Variants in ACAP3 observed in about 807,000 individuals in gnomAD.
ACAP3 encodes arf-GAP with coiled-coil, ANK repeat and PH domain-containing protein 3.
ACAP3 carries 56 observed loss-of-function variants against 104.1 expected under a neutral mutation model. That is an observed-to-expected ratio of 0.54 (90% confidence interval 0.43 to 0.67). The LOEUF is 0.67. Among genes scored for constraint, ACAP3 ranks in the 30% least tolerant of loss-of-function variants. ACAP3 has a pLI of 0.00. For synonymous variants in ACAP3, 628 were observed against 496.2 expected (o/e 1.27, Z -3.53); for missense variants, 1,208 against 1,174.9 (o/e 1.03, Z -0.41).
intron 4 of ACAP3, 115 bp from the exon 5 acceptor site, chr1:1,302,161 T>A (rs1245363540): frequency 1.2e-5 from 11 of 946,988 alleles, no homozygotes; most frequent in Non-Finnish European, 1.6e-5. Flanking sequence ...CAGGGGCGGG[T>A]CCCACCCTGC....
chr1:1,294,070 G>C lies in ACAP3; in HGVS notation c.2249+20C>G. ...AGGCGTGGTCGGGGCACAGGGCGGGGCGTGGGTTGCGCGTCTCACCCGGTG... is the reference window on the plus strand; with the variant it reads ...AGGCGTGGTCGGGGCACAGGGCGGGCCGTGGGTTGCGCGTCTCACCCGGTG... On this transcript the variant is annotated intron_variant, in intron 22 of 23. Coordinates refer to ENST00000354700, the MANE Select transcript of ACAP3 (RefSeq NM_030649.3). The C allele has an allele frequency of 1.3e-6, 2 of 1,549,486 alleles. No individual in the cohort carries two copies. Among genetic ancestry groups the C allele is most frequent in the Non-Finnish European group, 8.7e-7 (1 of 1,145,912 alleles).
chr1:1,298,235 C>G, intron 12 of ACAP3, 122 bp from the exon 13 acceptor site: 1 of 1,578,366 alleles, frequency 6.3e-7, no homozygotes, highest in South Asian at 1.2e-5. Flanking sequence ...GTGTCCAGCT[C>G]TCTGCTCCCT....
chr1:1,300,617 C>A lies in ACAP3; in HGVS notation c.414G>T (p.Arg138Ser). ...VREDLELSLVRNAQAPRHRPH... is the reference protein window; with the variant it reads ...VREDLELSLVSNAQAPRHRPH... ...GCCGGTGCCTCGGGGCCTGGGCGTTCCTCACCAGGGACAGCTCCAGGTCCT... is the reference window on the plus strand; with the variant it reads ...GCCGGTGCCTCGGGGCCTGGGCGTTACTCACCAGGGACAGCTCCAGGTCCT... The change falls in exon 6 of 24, where the codon AGG (arginine) becomes AGT (serine). Residue 138 changes from arginine to serine, a missense_variant. Arg to Ser is a moderately radical substitution (Grantham distance 110). Transcript: ENST00000354700. 6.2e-7 allele frequency: 1 copy of A among 1,608,362 alleles called. No homozygotes were observed. Among genetic ancestry groups the A allele is most frequent in the Admixed American group, 1.7e-5 (1 of 58,398 alleles).
intron 14 of ACAP3, among the ~76,000 whole-genome samples, chr1:1,297,168 C>T (rs142090261): frequency 0.08 from 10,226 of 128,146 alleles, 1,887 homozygotes; most frequent in African/African-American, 0.36. Flanking sequence ...TGCACAGGCG[C>T]GGGGCAGGGG....
intron 15 of ACAP3, 69 bp from the exon 16 acceptor site, chr1:1,296,349 CGGCCT>C: frequency 7.8e-6 from 12 of 1,548,118 alleles, no homozygotes; most frequent in Middle Eastern, 1.7e-4. Context: ...CCCCCACCCC[CGGCCT>C]GGCCCTCAGG....
intron 1 of ACAP3, chr1:1,307,051 G>T: frequency 1.5e-6 from 1 of 662,960 alleles, no homozygotes; most frequent in Non-Finnish European, 2.4e-6. Flanking sequence ...GCAGAGGAGG[G>T]GGCCTCACGC....
chr1:1,293,455 T>G lies in ACAP3; in HGVS notation c.*109A>C. The G allele has an allele frequency of 7.9e-6, 9 of 1,132,630 alleles. No individual in the cohort carries two copies. Among genetic ancestry groups the G allele is most frequent in the Admixed American group, 4.6e-5 (1 of 21,546 alleles). 70.2% of individuals were successfully genotyped at this position (1,132,630 alleles called of 1,614,324 possible). A position where few individuals can be genotyped will look rare whatever the true frequency, so the allele number is the denominator to read the frequency against. On this transcript the variant is annotated 3_prime_UTR_variant, in exon 24 of 24. Transcript: ENST00000354700. ...GCGCCCCAGCACTGGGGCTGCCAGG[T>G]ATCGACCCGCGGGTCACACGCAGGG... is the stretch of plus-strand genomic sequence containing the variant.
Position 1,302,058 on chromosome 1 carries a change from G to A in ACAP3, c.280-12C>T, listed in dbSNP as rs1427852406. On this transcript the variant is annotated splice_polypyrimidine_tract_variant and intron_variant, in intron 4 of 23. Transcript: ENST00000354700. ...TGGTCAAACAGGATCTGGGGGCAGAGGCGGGCAGAGATCCTTGGGGTCTGT... is the reference window on the plus strand; with the variant it reads ...TGGTCAAACAGGATCTGGGGGCAGAAGCGGGCAGAGATCCTTGGGGTCTGT... The A allele has an allele frequency of 1.3e-6, 2 of 1,526,090 alleles. No homozygotes were observed. Among genetic ancestry groups the A allele is most frequent in the Non-Finnish European group, 1.8e-6 (2 of 1,131,202 alleles). 94.5% of individuals were successfully genotyped at this position (1,526,090 alleles called of 1,614,324 possible).
chr1:1,295,756 C>G lies in ACAP3; in HGVS notation c.1685G>C (p.Cys562Ser). Reference sequence around the variant, plus strand: ...CCCACCTGAGGACAGAGCGGCCACACAGGGCAGAACGGGCTCAAGCCGGAC... The same window carrying G: ...CCCACCTGAGGACAGAGCGGCCACAGAGGGCAGAACGGGCTCAAGCCGGAC... ...RKVRLEPVLP[C>S]VAALSSVGTL... The change falls in exon 18 of 24, where the codon TGT becomes TCT. Residue 562 changes from cysteine (C) to serine (S), a missense_variant. Transcript: ENST00000354700. The G allele has an allele frequency of 6.2e-7, 1 of 1,605,528 alleles. No homozygotes were observed. Among genetic ancestry groups the G allele is most frequent in the Non-Finnish European group, 8.5e-7 (1 of 1,178,356 alleles).
In ACAP3 at chr1:1,303,505, G is replaced by A. The variant is rs969520118; in HGVS notation, c.106-224C>T. The stretch of plus-strand genomic sequence containing the variant: ...GGGGCCGCCACGGCTCGGCTGGGAG[G>A]GACCAGGAGCCAGGCAGGGGACCCA... On this transcript the variant is annotated intron_variant, in intron 2 of 23. Coordinates refer to ENST00000354700, the MANE Select transcript of ACAP3 (RefSeq NM_030649.3). The surrounding 1 kb of genome is among the most constrained non-coding windows in gnomAD (Gnocchi z 4.0). The A allele has an allele frequency of 1.5e-6, 1 of 664,772 alleles. No individual in the cohort carries two copies. The highest frequency in any genetic ancestry group is 1.8e-5 in the African/African-American group (1 of 54,804). 41.2% of individuals were successfully genotyped at this position (664,772 alleles called of 1,614,324 possible). A position where few individuals can be genotyped will look rare whatever the true frequency, so the allele number is the denominator to read the frequency against.
rs1641387996 is a variant in ACAP3 at position 1,300,281 on chromosome 1, G to A, written c.523-79C>T. On this transcript the variant is annotated intron_variant, in intron 6 of 23. Coordinates refer to ENST00000354700, the MANE Select transcript of ACAP3 (RefSeq NM_030649.3). ...CCTGCACCTGCCATAGAGTCCACCT[G>A]AGCTGCTTGTGGTTCCCTGAGACCC... is the stretch of plus-strand genomic sequence containing the variant. The A allele has an allele frequency of 2.0e-6, 3 of 1,493,502 alleles. No individual in the cohort carries two copies. In the Admixed American group the frequency reaches 6.7e-5, roughly 34 times the overall value. The allele number at this position is 1,493,502 out of a possible 1,614,324, so 92.5% of individuals were successfully genotyped here.
Position 1,303,394 on chromosome 1 carries a change from T to C in ACAP3, c.106-113A>G. 1.4e-6 allele frequency: 2 copies of C among 1,409,602 alleles called. No homozygotes were observed. The highest frequency in any genetic ancestry group is 1.4e-5 in the South Asian group (1 of 74,002). The allele number at this position is 1,409,602 out of a possible 1,614,324, so 87.3% of individuals were successfully genotyped here. ...CCCAGGGTAGGTTCCACTCAGGGCG[T>C]TGGCACTCAGGACTCAGTGCCCCGG... On this transcript the variant is annotated intron_variant, in intron 2 of 23. Coordinates refer to ENST00000354700, the MANE Select transcript of ACAP3 (RefSeq NM_030649.3). This position sits in a 1 kb window ranked among gnomAD's most constrained non-coding sequence, Gnocchi z 4.0.
chr1:1,303,088 C>A lies in ACAP3; in HGVS notation c.225+74G>T, dbSNP rs772379109. On this transcript the variant is annotated intron_variant, in intron 3 of 23. Coordinates refer to ENST00000354700, the MANE Select transcript of ACAP3 (RefSeq NM_030649.3). The surrounding 1 kb of genome is among the most constrained non-coding windows in gnomAD (Gnocchi z 4.0). The stretch of plus-strand genomic sequence containing the variant: ...GACACCGGCCTGCTTCTGGCCTGGA[C>A]GCCCTCAAGGGGCTGCCTCCCTCGG... 31 of 1,552,894 alleles carry A rather than the reference C, an allele frequency of 2.0e-5. No homozygotes were observed. Among genetic ancestry groups the A allele is most frequent in the Admixed American group, 5.8e-5 (3 of 51,720 alleles).
At chr1:1,299,554 T>C (rs1198998818) in intron 9 of ACAP3, 198 bp from the exon 10 acceptor site, 4 of 769,674 alleles carry the variant, frequency 5.2e-6, no homozygotes, top group Non-Finnish European at 8.2e-6. Flanking sequence ...CCGGGGCTGC[T>C]GTCCCACAGG....
chr1:1,296,597 T>C lies in ACAP3; in HGVS notation c.1165A>G (p.Ile389Val), dbSNP rs1641169002. Residue 389 changes from isoleucine to valine, a missense_variant, in exon 15 of 24, where the codon ATC becomes GTC. By Grantham distance (29) the Ile-to-Val change is conservative (BLOSUM62 3). Transcript: ENST00000354700. ...DRTASPSTSSIDSATDTRERG... is the reference protein window; with the variant it reads ...DRTASPSTSSVDSATDTRERG... ...TCCCGAGTGTCGGTGGCGGAGTCGA[T>C]GCTGCTCGTGGACGGGGATGCTGTG... 6.5e-7 allele frequency: 1 copy of C among 1,539,004 alleles called. No homozygotes were observed. Among genetic ancestry groups the C allele is most frequent in the Non-Finnish European group, 8.7e-7 (1 of 1,146,562 alleles).
Position 1,292,588 on chromosome 1 carries a change from C to T in ACAP3, c.*976G>A, listed in dbSNP as rs959048096. The T allele has an allele frequency of 1.3e-5, 2 of 152,410 alleles. No individual in the cohort carries two copies. The highest frequency in any genetic ancestry group is 4.8e-5 in the African/African-American group (2 of 41,476). 9.4% of individuals were successfully genotyped at this position (152,410 alleles called of 1,614,324 possible). On this transcript the variant is annotated 3_prime_UTR_variant, in exon 24 of 24. Coordinates refer to ENST00000354700, the MANE Select transcript of ACAP3 (RefSeq NM_030649.3). ...GTGCCCTCAGGGAGCCTCCCCAGGG[C>T]AGCATTGCATAGTGACCAGCCGACT... is the stretch of plus-strand genomic sequence containing the variant.
intron 14 of ACAP3, among the ~76,000 whole-genome samples, 180 bp from the exon 15 acceptor site, chr1:1,296,813 G>A (rs1641186653): frequency 7.2e-6 from 1 of 138,030 alleles, no homozygotes; most frequent in Non-Finnish European, 1.6e-5. Flanking sequence ...TCGAGCACAC[G>A]CCCGCACACG....
At chr1:1,306,182 C>T (rs1386378375) in intron 1 of ACAP3, among the ~76,000 whole-genome samples, 1 of 152,170 alleles carries the variant, frequency 6.6e-6, no homozygotes, top group African/African-American at 2.4e-5. Context: ...CCACAGCCCC[C>T]ATAACTGGCT....
rs1174771317 is a variant in ACAP3 at position 1,295,558 on chromosome 1, C to T, written c.1706-4G>A. On this transcript the variant is annotated splice_polypyrimidine_tract_variant and splice_region_variant and intron_variant, in intron 18 of 23. Transcript: ENST00000354700. ...AACTTACGATCCAGGGTGCCCACTG[C>T]AGGGGCAGTGCGTGTTCAGAGTGTG... is the stretch of plus-strand genomic sequence containing the variant. 3 of 1,611,514 alleles carry T rather than the reference C, an allele frequency of 1.9e-6. No homozygotes were observed. The highest frequency in any genetic ancestry group is 2.5e-6 in the Non-Finnish European group (3 of 1,179,054).
Sources: gnomAD v4.1 joint callset for allele counts (sites outside exome capture counted in the v4.1 genomes callset) on GRCh38, gnomAD v4.1.1 for gene constraint, Gnocchi (gnomAD v3.1) non-coding constraint, MANE v1.5 for transcripts, NCBI Gene and HGNC (gene_info 2026-07-23, HGNC 2026-07-21) for gene names.